The following IQSEC1 variants were observed in gnomAD, a reference collection of about 807,000 sequenced individuals.
IQSEC1 encodes IQ motif and Sec7 domain ArfGEF 1, also known as IQ motif and SEC7 domain-containing protein 1.
IQSEC1 carries 31 observed loss-of-function variants against 91.0 expected under a neutral mutation model. The observed-to-expected ratio is 0.34, with a 90% CI of 0.26 to 0.46. IQSEC1 has a LOEUF of 0.46. IQSEC1 is among the 20% of genes least tolerant of loss of function. IQSEC1 has a pLI of 1.00. For missense variants in IQSEC1, 1,388 were observed against 1,575.6 expected (o/e 0.88, Z 2.02); for synonymous variants, 699 against 662.6 (o/e 1.05, Z -0.84).
At chr3:13,184,630 T>C (rs1559272402) in intron 1 of IQSEC1, among the ~76,000 whole-genome samples, 1 of 152,144 alleles carries the variant, frequency 6.6e-6, no homozygotes, top group Non-Finnish European at 1.5e-5. Context: ...ATAAAAGCCA[T>C]ACAGATTGGA....
chr3:13,008,612 C>T lies in IQSEC1; in HGVS notation c.23+64380G>A, dbSNP rs1377715161. On this transcript the variant is annotated intron_variant, in intron 1 of 13. Coordinates refer to ENST00000613206, the MANE Select transcript of IQSEC1 (RefSeq NM_001134382.3). This position sits in a 1 kb window ranked among gnomAD's most constrained non-coding sequence, Gnocchi z 4.1. ...TCCTGACTGTGATGTTGGAAATGCT[C>T]GTTTGTGTGTTTGTTTACTTGTCAC... 6.6e-6 allele frequency among the ~76,000 whole-genome samples: 1 copy of T among 152,180 alleles called. No homozygotes were observed. The highest frequency in any genetic ancestry group is 1.5e-5 in the Non-Finnish European group (1 of 68,030).
intron 1 of IQSEC1, among the ~76,000 whole-genome samples, chr3:13,025,139 C>T (rs892323594): frequency 1.3e-5 from 2 of 152,228 alleles, no homozygotes; most frequent in African/African-American, 4.8e-5. Flanking sequence ...GTGTTAGGTG[C>T]TCAGTGCTAG....
At chr3:13,271,748 T>A (rs1695593902) in intron 1 of IQSEC1, among the ~76,000 whole-genome samples, 1 of 152,278 alleles carries the variant, frequency 6.6e-6, no homozygotes, top group East Asian at 1.9e-4. Context: ...TGAGCTCTGA[T>A]TGCACCATTG....
At chr3:13,173,572 C>A (rs1254172927) in intron 1 of IQSEC1, among the ~76,000 whole-genome samples, 1 of 152,262 alleles carries the variant, frequency 6.6e-6, no homozygotes, top group Non-Finnish European at 1.5e-5. Flanking sequence ...TGGACAAACC[C>A]TGTGGGCTCT....
intron 2 of IQSEC1, among the ~76,000 whole-genome samples, chr3:13,095,571 C>T (rs1231652358): frequency 6.6e-6 from 1 of 152,136 alleles, no homozygotes; most frequent in South Asian, 2.1e-4. Flanking sequence ...CCACTCCCCC[C>T]TCCTTTCCCA....
At chr3:12,958,070 A>C (rs1344380153) in intron 1 of IQSEC1, among the ~76,000 whole-genome samples, 1 of 152,162 alleles carries the variant, frequency 6.6e-6, no homozygotes, top group Non-Finnish European at 1.5e-5. Flanking sequence ...AGGCCCCGGG[A>C]CACCTCCCTG....
rs968300420 is a variant in IQSEC1, at chr3:12,967,980, G to A, written c.24-26115C>T. Among the ~76,000 whole-genome samples, 3 of 152,198 alleles carry A rather than the reference G, an allele frequency of 2.0e-5. No individual in the cohort carries two copies. Among genetic ancestry groups the A allele is most frequent in the Non-Finnish European group, 4.4e-5 (3 of 68,014 alleles). On this transcript the variant is annotated intron_variant, in intron 1 of 13. Transcript: ENST00000613206. The surrounding 1 kb of genome is among the most constrained non-coding windows in gnomAD (Gnocchi z 5.9). ...GCGGGGTGCAGAGCGCAAGGGCGGA[G>A]TCCCAGACACTGCATCCAGGTCCCA... is the stretch of plus-strand genomic sequence containing the variant.
At chr3:13,056,843 C>T (rs188260304) in intron 1 of IQSEC1, among the ~76,000 whole-genome samples, 15 of 152,180 alleles carry the variant, frequency 9.9e-5, no homozygotes, top group African/African-American at 3.6e-4. Context: ...TTTAAAATCG[C>T]TAATGTATAC....
chr3:13,167,944 G>A (rs1396309100), intron 1 of IQSEC1, among the ~76,000 whole-genome samples: 1 of 152,216 alleles, frequency 6.6e-6, no homozygotes, highest in Non-Finnish European at 1.5e-5. Context: ...GAGCAGCAGG[G>A]TGGAGAAATG....
intron 1 of IQSEC1, among the ~76,000 whole-genome samples, chr3:13,071,806 T>C (rs1240225281): frequency 2.5e-5 from 2 of 78,890 alleles, no homozygotes; most frequent in Non-Finnish European, 4.6e-5. Flanking sequence ...CAGAGGCCAC[T>C]GCCATCCCCC....
intron 1 of IQSEC1, among the ~76,000 whole-genome samples, chr3:13,241,841 G>A (rs1478358028): frequency 1.3e-5 from 2 of 152,234 alleles, no homozygotes. Flanking sequence ...CTCTGAGGCC[G>A]TAGGAAGCAG....
chr3:13,162,175 A>T (rs570285848), intron 2 of IQSEC1, among the ~76,000 whole-genome samples: 5 of 152,136 alleles, frequency 3.3e-5, no homozygotes, highest in African/African-American at 1.2e-4. Context: ...TCTCAGGGCG[A>T]CCCCGTAAGG....
chr3:12,995,373 G>C (rs1182012032), intron 1 of IQSEC1, among the ~76,000 whole-genome samples: 2 of 152,222 alleles, frequency 1.3e-5, no homozygotes, highest in Non-Finnish European at 2.9e-5. Flanking sequence ...TGGACATCTG[G>C]GTCAGGTGAG....
At chr3:13,000,948 C>CTTT (rs10553726) in intron 1 of IQSEC1, among the ~76,000 whole-genome samples, 19 of 121,924 alleles carry the variant, frequency 1.6e-4, no homozygotes, top group African/African-American at 2.2e-4. Context: ...CCAAGTGAGT[C>CTTT]TTTTTTTTTT....
intron 1 of IQSEC1, among the ~76,000 whole-genome samples, chr3:12,982,826 G>T (rs1701534594): frequency 6.6e-6 from 1 of 152,254 alleles, no homozygotes; most frequent in Non-Finnish European, 1.5e-5. Context: ...AACAGCATCA[G>T]CCCCCATCTG....
chr3:13,022,243 C>A, intron 1 of IQSEC1: 2 of 1,226,268 alleles, frequency 1.6e-6, no homozygotes, highest in African/African-American at 3.1e-5. Context: ...GAAAGAAAAG[C>A]CCCCAAAGTT....
At chr3:13,148,790 G>C (rs968367928) in intron 2 of IQSEC1, among the ~76,000 whole-genome samples, 1 of 152,266 alleles carries the variant, frequency 6.6e-6, no homozygotes, top group Non-Finnish European at 1.5e-5. Context: ...TCTGTCACCT[G>C]GGAAATGAGG....
chr3:12,901,086 G>C lies in IQSEC1; in HGVS notation c.3242C>G (p.Ser1081Trp), dbSNP rs543317308. 6.5e-7 allele frequency: 1 copy of C among 1,540,842 alleles called. No homozygotes were observed. Among genetic ancestry groups the C allele is most frequent in the Admixed American group, 2.0e-5 (1 of 50,710 alleles). The change falls in exon 14 of 14, where the codon TCG becomes TGG. Residue 1081 changes from serine (S) to tryptophan (W), a missense_variant. Ser to Trp is a radical substitution (Grantham distance 177, BLOSUM62 -3). Around this residue, in one of 2 missense-constraint regions of IQSEC1, gnomAD observed 329 missense variants for 257.8 expected, o/e 1.28. Transcript: ENST00000613206. ...GTGCACTGTGTGCCCCACGTGGGCC[G>C]AGGGCAGCGGCGGGTGGCCGTGGGC... is the stretch of plus-strand genomic sequence containing the variant. ...AHAHGHPPLP[S>W]AHVGHTVHHH...
intron 1 of IQSEC1, among the ~76,000 whole-genome samples, chr3:13,263,530 C>G (rs1387314535): frequency 6.6e-6 from 1 of 151,620 alleles, no homozygotes; most frequent in Non-Finnish European, 1.5e-5. Flanking sequence ...GCAACCTCCA[C>G]CTCCTGGGTT....
Sources: gnomAD v4.1 joint callset for allele counts (sites outside exome capture counted in the v4.1 genomes callset) on GRCh38, gnomAD v4.1.1 for gene constraint, gnomAD v4.1.1 regional missense constraint, Gnocchi (gnomAD v3.1) non-coding constraint, MANE v1.5 for transcripts, NCBI Gene and HGNC (gene_info 2026-07-23, HGNC 2026-07-21) for gene names.